Variants in NFXL1 observed in about 807,000 individuals in gnomAD.
The protein encoded by NFXL1 is nuclear transcription factor, X-box binding like 1, also known as NF-X1-type zinc finger protein NFXL1.
Under a neutral mutation model 123.3 loss-of-function variants are expected in NFXL1, and 66 were observed. The ratio of observed to expected loss-of-function variants is 0.54; its 90% CI spans 0.44 to 0.66. NFXL1 has a LOEUF of 0.66. NFXL1 is among the 30% of genes least tolerant of loss of function. The pLI is 0.00. For synonymous variants in NFXL1, 346 were observed against 360.8 expected (o/e 0.96, Z 0.46); for missense variants, 944 against 1,125.6 (o/e 0.84, Z 2.31).
chr4:47,855,085 TA>T lies in NFXL1; in HGVS notation c.2394del (p.Arg799AspfsTer7). Reference sequence around the variant, plus strand: ...TTTTTTATTCTTTTACAAGGACATCTAAGTTTTACCTTCTGGTTGCAGTTAA... The same window carrying T: ...TTTTTTATTCTTTTACAAGGACATCTAGTTTTACCTTCTGGTTGCAGTTAA... Reference protein sequence around the residue: ...CPFNCNQKVKLRCPCKRIKKE... With the variant: ...CPFNCNQKVKXRCPCKRIKKE... On this transcript the variant is annotated frameshift_variant, in exon 20 of 23. Coordinates refer to ENST00000507489, the MANE Select transcript of NFXL1 (RefSeq NM_001278624.2). LOFTEE classifies it high-confidence loss of function. The T allele has an allele frequency of 6.5e-7, 1 of 1,534,724 alleles. No individual in the cohort carries two copies. The highest frequency in any genetic ancestry group is 9.0e-7 in the Non-Finnish European group (1 of 1,116,460).
rs761991196 is a variant in NFXL1, at chr4:47,855,138, T to G, written c.2342A>C (p.Glu781Ala). ...KELPCGHRCK[E>A]MCHPGECPFN... ...GGGACATTCACCAGGATGACACATC[T>G]CTTTGCATCTATGACCACAAGGAAG... Residue 781 changes from glutamate to alanine, a missense_variant, in exon 20 of 23, where the codon GAG (glutamate) becomes GCG (alanine). This residue lies in a region of NFXL1 where 301 missense variants were observed against 348.0 expected (regional missense o/e 0.86). Coordinates refer to ENST00000507489, the MANE Select transcript of NFXL1 (RefSeq NM_001278624.2). The G allele has an allele frequency of 6.3e-7, 1 of 1,588,940 alleles. No homozygotes were observed. Among genetic ancestry groups the G allele is most frequent in the African/African-American group, 1.4e-5 (1 of 74,002 alleles).
rs376376269 is a variant in NFXL1 at position 47,885,907 on chromosome 4, T to C, written c.1636A>G (p.Arg546Gly). 2 of 1,613,942 alleles carry C rather than the reference T, an allele frequency of 1.2e-6. No homozygotes were observed. Among genetic ancestry groups the C allele is most frequent in the African/African-American group, 1.3e-5 (1 of 74,940 alleles). The change falls in exon 13 of 23, where the codon AGA (arginine) becomes GGA (glycine). Residue 546 changes from arginine (R) to glycine (G), a missense_variant. This residue lies in a region of NFXL1 where 296 missense variants were observed against 395.1 expected (regional missense o/e 0.75). Transcript: ENST00000507489. Reference protein sequence around the residue: ...TVPCGRERTTRPPKCKEQCSR... With the variant: ...TVPCGRERTTGPPKCKEQCSR... ...CATTGCTCCTTGCACTTGGGTGGTC[T>C]TGTGGTACGTTCTCGGCCACAGGGC... is the stretch of plus-strand genomic sequence containing the variant.
chr4:47,883,162 T>G (rs1736216768), intron 15 of NFXL1, among the ~76,000 whole-genome samples: 1 of 152,022 alleles, frequency 6.6e-6, no homozygotes, highest in African/African-American at 2.4e-5. Context: ...GTGCTACATC[T>G]TGAACCTGGA....
chr4:47,867,437 G>A (rs1422388306), intron 18 of NFXL1, among the ~76,000 whole-genome samples: 2 of 151,616 alleles, frequency 1.3e-5, no homozygotes, highest in Non-Finnish European at 2.9e-5. Flanking sequence ...TGAAATGGGA[G>A]ACAGAAAAAG....
At chr4:47,868,588 C>T (rs1479104591) in intron 18 of NFXL1, among the ~76,000 whole-genome samples, 1 of 150,452 alleles carries the variant, frequency 6.6e-6, no homozygotes, top group Non-Finnish European at 1.5e-5. Flanking sequence ...AAAAAGTAAT[C>T]AACCACTAAA....
At chr4:47,902,725 A>C (rs1260336220) in intron 5 of NFXL1, among the ~76,000 whole-genome samples, 1 of 152,228 alleles carries the variant, frequency 6.6e-6, no homozygotes, top group African/African-American at 2.4e-5. Flanking sequence ...AGTTATAGAA[A>C]TTCAAATTGA....
At chr4:47,880,177 C>T (rs958444567) in intron 15 of NFXL1, among the ~76,000 whole-genome samples, 6 of 152,000 alleles carry the variant, frequency 3.9e-5, no homozygotes, top group Admixed American at 1.3e-4. Context: ...AGGAGGATCA[C>T]CTGAGCACAG....
chr4:47,863,362 T>C (rs1177931877), intron 18 of NFXL1, among the ~76,000 whole-genome samples: 2 of 152,204 alleles, frequency 1.3e-5, no homozygotes, highest in African/African-American at 4.8e-5. Context: ...TTTAAAAAGC[T>C]TGGGTAAGCT....
chr4:47,902,830 T>C (rs1003022077), intron 5 of NFXL1, among the ~76,000 whole-genome samples: 2 of 152,188 alleles, frequency 1.3e-5, no homozygotes, highest in African/African-American at 4.8e-5. Context: ...TAAAGCAACT[T>C]AGAATCTACA....
intron 3 of NFXL1, among the ~76,000 whole-genome samples, chr4:47,910,107 C>T (rs1004503949): frequency 6.6e-5 from 10 of 152,270 alleles, no homozygotes; most frequent in South Asian, 2.1e-4. Flanking sequence ...CATAAACAAA[C>T]GTGGCTTTAA....
intron 17 of NFXL1, chr4:47,876,948 T>C: frequency 4.3e-6 from 2 of 460,690 alleles, no homozygotes; most frequent in Non-Finnish European, 7.2e-6. Context: ...CTTTCTGAGA[T>C]GGGAAAGACT....
intron 19 of NFXL1, 134 bp downstream of exon 19, chr4:47,862,712 C>T (rs1408684496): frequency 2.8e-5 from 20 of 704,460 alleles, no homozygotes; most frequent in Non-Finnish European, 4.5e-5. Flanking sequence ...TCTACCCTAA[C>T]TATATGTCTT....
At chr4:47,913,004 T>A (rs1325304498) in intron 2 of NFXL1, among the ~76,000 whole-genome samples, 3 of 89,606 alleles carry the variant, frequency 3.3e-5, no homozygotes, top group Admixed American at 1.4e-4. Context: ...CCAGCGAGAC[T>A]CTGTCTCAAA....
chr4:47,897,381 G>C (rs574281824), intron 9 of NFXL1, among the ~76,000 whole-genome samples: 1 of 152,272 alleles, frequency 6.6e-6, no homozygotes, highest in African/African-American at 2.4e-5. Flanking sequence ...ACAAGTATTA[G>C]AAGTAGTCTT....
At chr4:47,873,593 A>G (rs1735572126) in intron 18 of NFXL1, among the ~76,000 whole-genome samples, 1 of 152,228 alleles carries the variant, frequency 6.6e-6, no homozygotes, top group Non-Finnish European at 1.5e-5. Context: ...CAGTGGGCTT[A>G]AAATATTCAG....
At chr4:47,872,067 A>G (rs1418444771) in intron 18 of NFXL1, among the ~76,000 whole-genome samples, 1 of 152,206 alleles carries the variant, frequency 6.6e-6, no homozygotes, top group East Asian at 1.9e-4. Flanking sequence ...GCATTTTTTT[A>G]AATGAAGAAA....
intron 4 of NFXL1, among the ~76,000 whole-genome samples, 186 bp from the exon 5 acceptor site, chr4:47,903,509 G>A (rs551250742): frequency 1.3e-5 from 2 of 152,174 alleles, no homozygotes; most frequent in East Asian, 3.9e-4. Context: ...AGGATACTTC[G>A]AAGAAAATTA....
At chr4:47,876,835 C>T (rs1394035255) in intron 17 of NFXL1, among the ~76,000 whole-genome samples, 2 of 151,954 alleles carry the variant, frequency 1.3e-5, no homozygotes, top group African/African-American at 4.8e-5. Flanking sequence ...GATGACAAAC[C>T]TAACAGGATT....
intron 18 of NFXL1, among the ~76,000 whole-genome samples, chr4:47,863,646 C>T (rs1734890074): frequency 6.6e-6 from 1 of 152,162 alleles, no homozygotes; most frequent in African/African-American, 2.4e-5. Flanking sequence ...CATGACACTG[C>T]ACTCCAGTCT....
Sources: gnomAD v4.1 joint callset for allele counts (sites outside exome capture counted in the v4.1 genomes callset) on GRCh38, gnomAD v4.1.1 for gene constraint, gnomAD v4.1.1 regional missense constraint, MANE v1.5 for transcripts, NCBI Gene and HGNC (gene_info 2026-07-23, HGNC 2026-07-21) for gene names.